CLCA2: variants seen among roughly 807,000 people sequenced by gnomAD.
CLCA2 encodes the protein calcium-activated chloride channel regulator 2.
Under a neutral mutation model 82.9 loss-of-function variants are expected in CLCA2, and 85 were observed. That is an observed-to-expected ratio of 1.03 (90% CI 0.86 to 1.23). CLCA2 has a LOEUF of 1.23. CLCA2 is among the 50% of genes most tolerant of loss of function. The probability of loss-of-function intolerance (pLI) is 0.00; values close to 1 mark genes in which losing one functional copy is unlikely to be tolerated. For synonymous variants in CLCA2, 421 were observed against 391.7 expected (o/e 1.07, Z -0.88); for missense variants, 1,089 against 1,124.8 (o/e 0.97, Z 0.45).
chr1:86,439,635 C>T (rs1662682847), intron 7 of CLCA2, among the ~76,000 whole-genome samples: 2 of 152,156 alleles, frequency 1.3e-5, no homozygotes, highest in Non-Finnish European at 1.5e-5. Flanking sequence ...GCAAACAAGA[C>T]ACATCAGCTA....
Position 86,425,381 on chromosome 1 carries a change from A to C in CLCA2, c.229A>C (p.Lys77Gln), listed in dbSNP as rs1362849056. 6.3e-7 allele frequency: 1 copy of C among 1,579,810 alleles called. No homozygotes were observed. The change falls in exon 2 of 14, where the codon AAG (lysine) becomes CAG (glutamine). Residue 77 changes from lysine (K) to glutamine (Q), a missense_variant. Lys to Gln is a moderately conservative substitution (Grantham distance 53). Transcript: ENST00000370565. ...EASFYLFNAT[K>Q]RRVFFRNIKI... ...TTCATTTTACCTATTTAATGCTACC[A>C]AGAGAAGAGTATTTTTCAGAAATAT...
intron 10 of CLCA2, chr1:86,445,644 T>A (rs1176809578): frequency 1.2e-4 from 18 of 152,076 alleles, no homozygotes; most frequent in Admixed American, 1.1e-3. Flanking sequence ...GAATCCTCTA[T>A]CTTGATAAAA....
Position 86,453,569 on chromosome 1 carries a change from A to G in CLCA2, c.2356A>G (p.Thr786Ala). ...KVEEELTLSW[T>A]APGEDFDQGQ... is the part of the protein sequence containing the mutation. ...AGAAGAGGAATTGACCCTATCTTGG[A>G]CAGCACCTGGAGAAGACTTTGATCA... The change falls in exon 13 of 14, where the codon ACA (threonine) becomes GCA (alanine). Residue 786 changes from threonine (T) to alanine (A), a missense_variant. Physicochemically the swap from Thr to Ala is moderately conservative, Grantham distance 58 (BLOSUM62 0). Coordinates refer to ENST00000370565, the MANE Select transcript of CLCA2 (RefSeq NM_006536.7). 1 of 1,614,142 alleles carries G rather than the reference A, an allele frequency of 6.2e-7. No individual in the cohort carries two copies. Among genetic ancestry groups the G allele is most frequent in the Non-Finnish European group, 8.5e-7 (1 of 1,180,012 alleles).
rs773533237 is a variant in CLCA2, at chr1:86,438,976, G to A, written c.1073G>A (p.Gly358Glu). 8 of 1,614,120 alleles carry A rather than the reference G, an allele frequency of 5.0e-6. No homozygotes were observed. The highest frequency in any genetic ancestry group is 5.9e-6 in the Non-Finnish European group (7 of 1,179,998). ...GGCATTGCCAGTTTCGACAGCAAAG[G>A]AGAGATCAGAGCCCAGCTACACCAA... ...FVGIASFDSK[G>E]EIRAQLHQIN... Residue 358 changes from glycine to glutamate, a missense_variant, in exon 7 of 14, where the codon GGA becomes GAA. Gly to Glu is a moderately conservative substitution (Grantham distance 98). Coordinates refer to ENST00000370565, the MANE Select transcript of CLCA2 (RefSeq NM_006536.7).
intron 9 of CLCA2, among the ~76,000 whole-genome samples, chr1:86,443,030 AT>A (rs35038026): frequency 0.22 from 32,497 of 146,588 alleles, 3,550 homozygotes; most frequent in Middle Eastern, 0.32. Flanking sequence ...TGGCTAAATA[AT>A]TTTTTTTTTT....
At chr1:86,437,723 A>T (rs1420329106) in intron 6 of CLCA2, among the ~76,000 whole-genome samples, 1 of 152,138 alleles carries the variant, frequency 6.6e-6, no homozygotes, top group African/African-American at 2.4e-5. Flanking sequence ...GGACCTGTTC[A>T]AGAATATGGA....
intron 4 of CLCA2, among the ~76,000 whole-genome samples, chr1:86,432,128 G>T (rs1026339867): frequency 6.6e-6 from 1 of 152,014 alleles, no homozygotes; most frequent in African/African-American, 2.4e-5. Context: ...TAGAGACAGG[G>T]TTTCACCATG....
At chr1:86,441,943 GT>G (rs1301089463) in intron 9 of CLCA2, among the ~76,000 whole-genome samples, 1 of 152,172 alleles carries the variant, frequency 6.6e-6, no homozygotes, top group African/African-American at 2.4e-5. Context: ...TGTATAAGGG[GT>G]ATCAACTATT....
chr1:86,444,879 T>TTTGTTGTTGTTGTTGTTG (rs199948615), intron 10 of CLCA2, among the ~76,000 whole-genome samples: 33 of 148,020 alleles, frequency 2.2e-4, no homozygotes, highest in African/African-American at 5.0e-4. Context: ...CACCCCCACT[T>TTTGTTGTTGTTGTTGTTG]TTGTTGTTGT....
At position 86,453,483 on chromosome 1, in the gene CLCA2, C is replaced by A; in HGVS notation, c.2270C>A (p.Ala757Asp). ...TCCTTTTCAGTGCTGGGAGTTCCAG[C>A]TGGCCCCCACCCTGATGTGTTTCCA... ...GGSFSVLGVP[A>D]GPHPDVFPPC... The change falls in exon 13 of 14, where the codon GCT (alanine) becomes GAT (aspartate). Residue 757 changes from alanine to aspartate, a missense_variant. Transcript: ENST00000370565. The A allele has an allele frequency of 6.2e-7, 1 of 1,614,144 alleles. No homozygotes were observed. Among genetic ancestry groups the A allele is most frequent in the Non-Finnish European group, 8.5e-7 (1 of 1,180,016 alleles).
In CLCA2 at chr1:86,426,265, C is replaced by T. The variant is rs1427416114; in HGVS notation, c.324+789C>T. Among the ~76,000 whole-genome samples, 5 of 152,150 alleles carry T rather than the reference C, an allele frequency of 3.3e-5. No individual in the cohort carries two copies. In the East Asian group the frequency reaches 9.6e-4, roughly 29 times the overall value. On this transcript the variant is annotated intron_variant, in intron 2 of 13. Transcript: ENST00000370565. ...GCATTGGCAACTTATCTCAGGGTTT[C>T]AGCAATGGAGTGGGTTTGAGATTGT...
At chr1:86,441,599 A>T in intron 9 of CLCA2, 56 bp downstream of exon 9, 1 of 1,197,226 alleles carries the variant, frequency 8.4e-7, no homozygotes, top group Non-Finnish European at 1.2e-6. Context: ...GGAGAAGGAA[A>T]CAAGGGAAAT....
intron 13 of CLCA2, among the ~76,000 whole-genome samples, chr1:86,453,924 T>C (rs1663023998): frequency 6.6e-6 from 1 of 152,242 alleles, no homozygotes; most frequent in African/African-American, 2.4e-5. Flanking sequence ...TGATTCATTT[T>C]CTGAAAGTTG....
intron 11 of CLCA2, chr1:86,448,578 T>A (rs1367248744): frequency 6.6e-6 from 1 of 152,164 alleles, no homozygotes; most frequent in East Asian, 1.9e-4. Flanking sequence ...TAGACCTGCC[T>A]CTTGGCAGCC....
chr1:86,446,582 C>T (rs968319445), intron 10 of CLCA2, among the ~76,000 whole-genome samples: 23 of 152,166 alleles, frequency 1.5e-4, no homozygotes, highest in Non-Finnish European at 3.2e-4. Flanking sequence ...GTCCTTGAAT[C>T]ATAACTTAAT....
chr1:86,431,454 C>T (rs147095516), intron 4 of CLCA2, among the ~76,000 whole-genome samples: 47 of 152,242 alleles, frequency 3.1e-4, no homozygotes, highest in African/African-American at 1.0e-3. Flanking sequence ...ATCAGTAACA[C>T]GCAGTTCATA....
At chr1:86,437,509 G>T (rs547802858) in intron 6 of CLCA2, among the ~76,000 whole-genome samples, 6 of 152,318 alleles carry the variant, frequency 3.9e-5, no homozygotes, top group African/African-American at 1.4e-4. Flanking sequence ...TAGGTTGGGT[G>T]ATGTAAGGAA....
intron 2 of CLCA2, among the ~76,000 whole-genome samples, chr1:86,427,963 A>G (rs923448280): frequency 6.6e-6 from 1 of 152,184 alleles, no homozygotes; most frequent in Non-Finnish European, 1.5e-5. Flanking sequence ...TAACCCACAG[A>G]AAGTTGTTCA....
At chr1:86,430,234 G>C (rs944753395) in intron 3 of CLCA2, among the ~76,000 whole-genome samples, 33 of 152,146 alleles carry the variant, frequency 2.2e-4, no homozygotes, top group Non-Finnish European at 2.4e-4. Context: ...TCATGCAGAG[G>C]ATGGGGGTTT....
Sources: gnomAD v4.1 joint callset for allele counts (sites outside exome capture counted in the v4.1 genomes callset) on GRCh38, gnomAD v4.1.1 for gene constraint, MANE v1.5 for transcripts, NCBI Gene and HGNC (gene_info 2026-07-23, HGNC 2026-07-21) for gene names.